DAB2IP: variants seen among roughly 807,000 people sequenced by gnomAD.
The protein encoded by DAB2IP is disabled homolog 2-interacting protein.
A neutral mutation model predicts 107.2 loss-of-function variants in DAB2IP; 28 were observed. That is an observed-to-expected ratio of 0.26 (90% confidence interval 0.19 to 0.36). DAB2IP has a LOEUF of 0.36. Ranked by LOEUF, DAB2IP falls within the 10% of genes least tolerant of loss-of-function variation. DAB2IP has a pLI of 1.00. For synonymous variants in DAB2IP, 755 were observed against 706.4 expected (o/e 1.07, Z -1.09); for missense variants, 1,400 against 1,644.7 (o/e 0.85, Z 2.57).
chr9:121,691,562 C>T (rs1267513847), intron 2 of DAB2IP, among the ~76,000 whole-genome samples: 2 of 152,024 alleles, frequency 1.3e-5, no homozygotes, highest in African/African-American at 2.4e-5. Flanking sequence ...TGATCATGAC[C>T]GCAATGATAG....
In DAB2IP at chr9:121,702,840, C is replaced by G. The variant is rs1228942062; in HGVS notation, c.362+3382C>G. The stretch of plus-strand genomic sequence containing the variant: ...CTCCTGATGCTGTTTCTGGGTGACT[C>G]TAGCCCTCCACACCTGCTGGGAATA... On this transcript the variant is annotated intron_variant, in intron 3 of 15. Transcript: ENST00000408936. The surrounding 1 kb of genome is among the most constrained non-coding windows in gnomAD (Gnocchi z 4.5). Among the ~76,000 whole-genome samples, 2 of 152,088 alleles carry G rather than the reference C, an allele frequency of 1.3e-5. No individual in the cohort carries two copies. The highest frequency in any genetic ancestry group is 2.9e-5 in the Non-Finnish European group (2 of 67,992).
At chr9:121,645,954 T>C (rs1359928475) in intron 1 of DAB2IP, among the ~76,000 whole-genome samples, 1 of 152,100 alleles carries the variant, frequency 6.6e-6, no homozygotes, top group Admixed American at 6.5e-5. Flanking sequence ...ATTTAACACG[T>C]GGAAACCTGA....
At chr9:121,689,292 TAAA>T (rs148765739) in intron 2 of DAB2IP, among the ~76,000 whole-genome samples, 2 of 124,576 alleles carry the variant, frequency 1.6e-5, no homozygotes, top group Admixed American at 8.3e-5. Flanking sequence ...AAATTCCATC[TAAA>T]AAAAAAAAAA....
exon 16 of DAB2IP, chr9:121,785,412 G>A (rs765321853): frequency 2.0e-5 from 3 of 152,668 alleles, no homozygotes; most frequent in Non-Finnish European, 4.4e-5. Context: ...CTCCAGCTGC[G>A]ACTTTTAACT....
chr9:121,680,595 C>T (rs1230470641), intron 2 of DAB2IP, among the ~76,000 whole-genome samples: 1 of 152,146 alleles, frequency 6.6e-6, no homozygotes, highest in Non-Finnish European at 1.5e-5. Flanking sequence ...ATCCCTGGGG[C>T]CACAGCAGGC....
chr9:121,766,518 G>A (rs374953875), exon 9 of DAB2IP: 8 of 1,609,548 alleles, frequency 5.0e-6, no homozygotes, highest in Non-Finnish European at 6.8e-6. Context: ...AGTTGAAAGA[G>A]GTGTTTGCCT....
intron 14 of DAB2IP, among the ~76,000 whole-genome samples, chr9:121,778,395 A>T (rs1288632614): frequency 1.3e-5 from 2 of 152,210 alleles, no homozygotes; most frequent in African/African-American, 2.4e-5. Context: ...GGTTTATTTT[A>T]CGGGCACCAT....
At chr9:121,631,207 G>A (rs543109965) in intron 1 of DAB2IP, among the ~76,000 whole-genome samples, 1 of 152,318 alleles carries the variant, frequency 6.6e-6, no homozygotes, top group South Asian at 2.1e-4. Context: ...TGCGGGAGGG[G>A]GCAAGGCACA....
chr9:121,737,308 G>C, intron 3 of DAB2IP: 3 of 985,484 alleles, frequency 3.0e-6, no homozygotes, highest in Non-Finnish European at 2.4e-6. Flanking sequence ...TACCTGCATG[G>C]AAGACGGTAA....
chr9:121,735,543 C>T (rs933933407), intron 3 of DAB2IP, among the ~76,000 whole-genome samples: 4 of 152,154 alleles, frequency 2.6e-5, no homozygotes, highest in Non-Finnish European at 5.9e-5. Flanking sequence ...GTGGAGGATG[C>T]GAGGAGCTGG....
upstream of DAB2IP, among the ~76,000 whole-genome samples, chr9:121,647,051 C>T (rs535329933): frequency 6.6e-5 from 10 of 152,276 alleles, no homozygotes; most frequent in African/African-American, 1.9e-4. Context: ...AGTTCAGCTA[C>T]CATGATTAGG....
chr9:121,578,632 G>A (rs1017647025), intron 1 of DAB2IP, among the ~76,000 whole-genome samples: 3 of 142,820 alleles, frequency 2.1e-5, no homozygotes, highest in African/African-American at 5.2e-5. Context: ...CCCCCCCATC[G>A]ACCTCCCTTG....
At chr9:121,586,483 C>A (rs1214685375) in intron 1 of DAB2IP, among the ~76,000 whole-genome samples, 1 of 152,104 alleles carries the variant, frequency 6.6e-6, no homozygotes. Context: ...CCAAAATGGG[C>A]CCCTTGCAGG....
rs1236078393 is a variant in DAB2IP at position 121,698,248 on chromosome 9, C to A, written c.229-1077C>A. 2.6e-5 allele frequency among the ~76,000 whole-genome samples: 4 copies of A among 152,152 alleles called. No individual in the cohort carries two copies. Among genetic ancestry groups the A allele is most frequent in the African/African-American group, 9.7e-5 (4 of 41,422 alleles). The stretch of plus-strand genomic sequence containing the variant: ...AGAACACCCCCCTCTTTAGAGGACT[C>A]CCCCTCCTCCAGTTTTCCTCTCCCT... On this transcript the variant is annotated intron_variant, in intron 2 of 15. Transcript: ENST00000408936. The surrounding 1 kb of genome is among the most constrained non-coding windows in gnomAD (Gnocchi z 4.1).
At chr9:121,745,919 C>T (rs73664517) in intron 3 of DAB2IP, among the ~76,000 whole-genome samples, 1,619 of 152,288 alleles carry the variant, frequency 0.011, 37 homozygotes, top group African/African-American at 0.038. Context: ...TCTAGGGTGC[C>T]AGCATTTGTT....
In DAB2IP at chr9:121,760,000, G is replaced by A. The variant is rs1463043286; in HGVS notation, c.731G>A (p.Arg244His). 3 of 1,614,052 alleles carry A rather than the reference G, an allele frequency of 1.9e-6. No individual in the cohort carries two copies. Among genetic ancestry groups the A allele is most frequent in the East Asian group, 2.2e-5 (1 of 44,884 alleles). Reference sequence around the variant, plus strand: ...TGCCTGGACGATGTGCTCTATGCCCGCACCACGGGCAAGCTCAAGACGGAC... The same window carrying A: ...TGCCTGGACGATGTGCTCTATGCCCACACCACGGGCAAGCTCAAGACGGAC... Residue 244 changes from arginine to histidine, a missense_variant, in exon 6 of 16, where the codon CGC becomes CAC. Physicochemically the swap from Arg to His is conservative, Grantham distance 29. Coordinates refer to ENST00000408936, the Ensembl canonical transcript of DAB2IP.
intron 1 of DAB2IP, among the ~76,000 whole-genome samples, chr9:121,658,048 C>G (rs955413382): frequency 6.6e-6 from 1 of 152,082 alleles, no homozygotes; most frequent in Non-Finnish European, 1.5e-5. Context: ...TAAGATGAGC[C>G]CAGATAGGGA....
intron 1 of DAB2IP, among the ~76,000 whole-genome samples, chr9:121,621,984 C>CTTTCTTTCT (rs1429341252): frequency 1.3e-4 from 13 of 99,718 alleles, no homozygotes; most frequent in African/African-American, 5.1e-4. Flanking sequence ...TTTTTTCTTT[C>CTTTCTTTCT]TTTTTTTTTT....
Position 121,760,402 on chromosome 9 carries a change from C to T in DAB2IP, c.1133C>T (p.Ala378Val), listed in dbSNP as rs1465699049. 1 of 1,607,812 alleles carries T rather than the reference C, an allele frequency of 6.2e-7. No individual in the cohort carries two copies. Among genetic ancestry groups the T allele is most frequent in the Admixed American group, 1.7e-5 (1 of 59,966 alleles). The change falls in exon 6 of 16, where the codon GCC becomes GTC. Residue 378 changes from alanine (A) to valine (V), a missense_variant. Around this residue, in one of 3 missense-constraint regions of DAB2IP, gnomAD observed 517 missense variants for 748.6 expected, o/e 0.69. Coordinates refer to ENST00000408936, the Ensembl canonical transcript of DAB2IP. The surrounding 1 kb of genome is among the most constrained non-coding windows in gnomAD (Gnocchi z 5.9). ...AAGACCAAGGAGGAGATGGCATCTG[C>T]CCTGGTGCACATCCTGCAGAGCACG...
Sources: allele counts gnomAD v4.1 joint callset (sites outside exome capture counted in the v4.1 genomes callset), GRCh38; gene constraint gnomAD v4.1.1; regional missense constraint gnomAD v4.1.1; non-coding constraint Gnocchi (gnomAD v3.1); transcripts MANE v1.5; gene names NCBI Gene and HGNC (gene_info 2026-07-23, HGNC 2026-07-21).